ANK2: variants seen among roughly 807,000 people sequenced by gnomAD.
ANK2 encodes the protein ankyrin 2, also known as ankyrin-2.
In ANK2, 83 loss-of-function variants were observed where a neutral mutation model predicts 360.5. That is an observed-to-expected ratio of 0.23 (90% CI 0.19 to 0.28). The LOEUF (loss-of-function observed/expected upper bound fraction) is 0.28, where lower values mean the gene tolerates loss of function less well. ANK2 is among the 10% of genes least tolerant of loss of function. ANK2 has a pLI of 1.00. For missense variants in ANK2, 4,201 were observed against 4,795.7 expected (o/e 0.88, Z 3.66); for synonymous variants, 1,740 against 1,759.5 (o/e 0.99, Z 0.28).
intron 2 of ANK2, among the ~76,000 whole-genome samples, chr4:112,958,641 A>C (rs1212047980): frequency 1.3e-5 from 2 of 151,712 alleles, no homozygotes; most frequent in Non-Finnish European, 2.9e-5. Context: ...GGAGAGGGAG[A>C]GGGAGAGGGC....
chr4:113,141,200 G>C (rs1450965144), intron 1 of ANK2: 1 of 152,162 alleles, frequency 6.6e-6, no homozygotes, highest in Non-Finnish European at 1.5e-5. Context: ...GGTGGAATAA[G>C]AGTGAAATGG....
At chr4:112,738,986 T>TA in the ANK2 span, 16 of 689,932 alleles carry the variant, frequency 2.3e-5, no homozygotes, top group Non-Finnish European at 3.4e-5. Flanking sequence ...CAACAAATCT[T>TA]ACTGTGCTGA....
At chr4:112,973,640 G>A (rs2040371091) in intron 2 of ANK2, among the ~76,000 whole-genome samples, 3 of 152,278 alleles carry the variant, frequency 2.0e-5, no homozygotes, top group African/African-American at 7.2e-5. Context: ...AACTTAATAA[G>A]CATGTTTCTT....
At chr4:112,948,243 C>T (rs1002973393) in intron 2 of ANK2, among the ~76,000 whole-genome samples, 1 of 152,092 alleles carries the variant, frequency 6.6e-6, no homozygotes, top group African/African-American at 2.4e-5. Flanking sequence ...CTGGCAGCTG[C>T]CTTGCCTATT....
Position 113,351,095 on chromosome 4 carries a change from G to A in ANK2, c.4426+846G>A, listed in dbSNP as rs1397182249. The stretch of plus-strand genomic sequence containing the variant: ...TTCTAGTGACTCTCTGGCTTCTTGT[G>A]TGGAAACTCCAGTTGAATTTTACAG... On this transcript the variant is annotated intron_variant, in intron 37 of 45. Coordinates refer to ENST00000357077, the MANE Select transcript of ANK2 (RefSeq NM_001148.6). 1.1e-4 allele frequency among the ~76,000 whole-genome samples: 16 copies of A among 152,182 alleles called. No homozygotes were observed. The East Asian group carries it at 3.1e-3, about 29-fold the overall frequency.
At chr4:113,076,209 G>C (rs1182504258) in intron 1 of ANK2, among the ~76,000 whole-genome samples, 1 of 152,198 alleles carries the variant, frequency 6.6e-6, no homozygotes, top group East Asian at 1.9e-4. Context: ...GAGCTTAAAA[G>C]TACTGCAAAA....
At chr4:113,150,992 G>GAA (rs10647173) in intron 1 of ANK2, 279,211 of 1,122,194 alleles carry the variant, frequency 0.25, 36,246 homozygotes, top group South Asian at 0.27. Flanking sequence ...TAGGTACTTA[G>GAA]TAAATATTTG....
chr4:112,937,833 GGT>G (rs2093884368), intron 2 of ANK2, among the ~76,000 whole-genome samples: 1 of 152,190 alleles, frequency 6.6e-6, no homozygotes, highest in South Asian at 2.1e-4. Context: ...ATAGAATTGA[GGT>G]GGTCCTTAGA....
chr4:113,373,463 A>G lies in ANK2; in HGVS notation c.11859+14A>G. 1 of 1,613,906 alleles carries G rather than the reference A, an allele frequency of 6.2e-7. No individual in the cohort carries two copies. Among genetic ancestry groups the G allele is most frequent in the South Asian group, 1.1e-5 (1 of 91,068 alleles). ...GAGCAGTCAGAGGTGAGACAACCTG[A>G]TTCTCTAAAACCCATTTGATGGAGA... On this transcript the variant is annotated intron_variant, in intron 45 of 45. Coordinates refer to ENST00000357077, the MANE Select transcript of ANK2 (RefSeq NM_001148.6).
At chr4:113,022,993 G>A (rs941661818) in intron 2 of ANK2, among the ~76,000 whole-genome samples, 1 of 152,116 alleles carries the variant, frequency 6.6e-6, no homozygotes, top group African/African-American at 2.4e-5. Context: ...TAGGTTGAGT[G>A]TGATCAGGAT....
At chr4:113,315,896 CAAAAAAAAAAAAAAAAA>C (rs70961811) in intron 24 of ANK2, among the ~76,000 whole-genome samples, 1 of 49,316 alleles carries the variant, frequency 2.0e-5, no homozygotes, top group African/African-American at 5.9e-5. Flanking sequence ...GACTCCGTCT[CAAAAAAAAAAAAAAAAA>C]AAAAAAAAGA....
chr4:112,955,610 G>A (rs556127764), intron 2 of ANK2, among the ~76,000 whole-genome samples: 377 of 151,876 alleles, frequency 2.5e-3, no homozygotes, highest in African/African-American at 8.8e-3. Context: ...GTTTACACCC[G>A]GGTATTCAGA....
At chr4:112,940,984 TG>T (rs2094163340) in intron 2 of ANK2, among the ~76,000 whole-genome samples, 1 of 152,054 alleles carries the variant, frequency 6.6e-6, no homozygotes, top group Non-Finnish European at 1.5e-5. Flanking sequence ...CTCATGAGGT[TG>T]TTGATAAGAT....
intron 2 of ANK2, among the ~76,000 whole-genome samples, chr4:113,001,666 A>T (rs2050728954): frequency 6.6e-6 from 1 of 152,148 alleles, no homozygotes; most frequent in South Asian, 2.1e-4. Context: ...AGTAAATTCC[A>T]CTTACAGTTC....
chr4:112,764,998 G>C, the ANK2 span, among the ~76,000 whole-genome samples: 1 of 152,132 alleles, frequency 6.6e-6, no homozygotes, highest in South Asian at 2.1e-4. Context: ...GAGCCACCGT[G>C]CCCGGCAATG....
intron 24 of ANK2, 151 bp downstream of exon 24, chr4:113,311,550 A>T: frequency 9.0e-7 from 1 of 1,105,836 alleles, no homozygotes; most frequent in Non-Finnish European, 1.3e-6. Context: ...CCATTGTCTA[A>T]CAACTTTAAG....
intron 1 of ANK2, among the ~76,000 whole-genome samples, chr4:113,116,456 A>T (rs2094788176): frequency 6.6e-6 from 1 of 152,174 alleles, no homozygotes; most frequent in African/African-American, 2.4e-5. Context: ...CCTCACGTGG[A>T]TCTGTAAATG....
rs570664140 is a variant in ANK2 at position 113,129,585 on chromosome 4, T to C, written c.85-44831T>C. 3.3e-5 allele frequency among the ~76,000 whole-genome samples: 5 copies of C among 152,326 alleles called. No individual in the cohort carries two copies. In the South Asian group the frequency reaches 1.0e-3, roughly 32 times the overall value. On this transcript the variant is annotated intron_variant, in intron 1 of 45. Transcript: ENST00000357077. The stretch of plus-strand genomic sequence containing the variant: ...CTGCAAGTTTTACATAAATTATTAT[T>C]TGAGTAAATAGCACATGCAAGGAGC...
In ANK2 at chr4:112,957,020, T is replaced by G. The variant is rs1226883990; in HGVS notation, c.21+52506T>G. 3.4e-5 allele frequency among the ~76,000 whole-genome samples: 5 copies of G among 146,220 alleles called. No individual in the cohort carries two copies. The East Asian group carries it at 7.9e-4, about 23-fold the overall frequency. ...ACTATTGCTCTTGTTTTTTTTTTTT[T>G]TTTTTTTTTTTTAATTGATCATTCT... On this transcript the variant is annotated intron_variant, in intron 2 of 30. Coordinates refer to the ANK2 transcript ENST00000503271.
Sources: allele counts gnomAD v4.1 joint callset (sites outside exome capture counted in the v4.1 genomes callset), GRCh38; gene constraint gnomAD v4.1.1; transcripts MANE v1.5; gene names NCBI Gene and HGNC (gene_info 2026-07-23, HGNC 2026-07-21).